The following MMP19 variants were observed in gnomAD, a reference collection of about 807,000 sequenced individuals.
The protein encoded by MMP19 is matrix metallopeptidase 19, also known as matrix metalloproteinase-19.
MMP19 carries 47 observed loss-of-function variants against 46.6 expected under a neutral mutation model. The observed-to-expected ratio is 1.01, with a 90% CI of 0.80 to 1.29. MMP19 has a LOEUF of 1.29. MMP19 is among the 50% of genes most tolerant of loss of function. The pLI, the probability that MMP19 is intolerant of heterozygous loss-of-function variation, is 0.00. For missense variants in MMP19, 589 were observed against 643.5 expected, an observed-to-expected ratio of 0.92 and a Z score of 0.92; for synonymous variants, 222 against 248.5, an observed-to-expected ratio of 0.89 and a Z score of 1.00.
Position 55,837,326 on chromosome 12 carries a change from T to C in MMP19, c.1237A>G (p.Ser413Gly), listed in dbSNP as rs776170640. The C allele has an allele frequency of 3.7e-6, 6 of 1,611,158 alleles. No homozygotes were observed. Among genetic ancestry groups the C allele is most frequent in the East Asian group, 4.5e-5 (2 of 44,776 alleles). ...WDELARTDFSSYPKPIKGLFT... is the reference protein window; with the variant it reads ...WDELARTDFSGYPKPIKGLFT... ...AAACCCTTGATTGGTTTGGGGTAGCTGCTGAAGTCAGTTCGGGCTAGCTCG... is the reference window on the plus strand; with the variant it reads ...AAACCCTTGATTGGTTTGGGGTAGCCGCTGAAGTCAGTTCGGGCTAGCTCG... Residue 413 changes from serine to glycine, a missense_variant, in exon 9 of 9, where the codon AGC becomes GGC. Transcript: ENST00000322569.
At chr12:55,839,856 C>T (rs1473418737) in intron 4 of MMP19, 115 bp from the exon 5 acceptor site, 13 of 1,345,088 alleles carry the variant, frequency 9.7e-6, no homozygotes, top group Non-Finnish European at 1.3e-5. Context: ...CAGCTATGTT[C>T]ACTGTCTCTT....
At chr12:55,838,077 A>C (rs1881392842) in intron 6 of MMP19, 70 bp from the exon 7 acceptor site, 741 of 1,390,188 alleles carry the variant, frequency 5.3e-4, no homozygotes, top group Non-Finnish European at 6.6e-4. Context: ...GGGGTATCTC[A>C]GGCTGACTAA....
Position 55,841,246 on chromosome 12 carries a change from G to A in MMP19, c.174-10C>T, listed in dbSNP as rs1211574705. Reference sequence around the variant, plus strand: ...TGCTTCCTGAAAAGCTCTGAAGGAGGGAGAGGGATGGGTCTACCAGGACAG... The same window carrying A: ...TGCTTCCTGAAAAGCTCTGAAGGAGAGAGAGGGATGGGTCTACCAGGACAG... On this transcript the variant is annotated splice_polypyrimidine_tract_variant and intron_variant, in intron 2 of 8. Coordinates refer to ENST00000322569, the MANE Select transcript of MMP19 (RefSeq NM_002429.6). 6.2e-7 allele frequency: 1 copy of A among 1,610,322 alleles called. No homozygotes were observed. The highest frequency in any genetic ancestry group is 1.1e-5 in the South Asian group (1 of 91,070).
rs746455799 is a variant in MMP19, at chr12:55,839,505, C to G, written c.757G>C (p.Ala253Pro). The change falls in exon 5 of 9, where the codon GCT becomes CCT. Residue 253 changes from alanine to proline, a missense_variant. Ala to Pro is a conservative substitution (Grantham distance 27). Transcript: ENST00000322569. ...LHPDDVAGIQALYGKKSPVIR... is the reference protein window; with the variant it reads ...LHPDDVAGIQPLYGKKSPVIR... ...AGGGGGAGGGACTGACCATAGAGAGCCTGGATCCCTGCCACATCATCTGGG... is the reference window on the plus strand; with the variant it reads ...AGGGGGAGGGACTGACCATAGAGAGGCTGGATCCCTGCCACATCATCTGGG... 1.2e-6 allele frequency: 2 copies of G among 1,609,142 alleles called. No individual in the cohort carries two copies. Among genetic ancestry groups the G allele is most frequent in the Non-Finnish European group, 1.7e-6 (2 of 1,176,254 alleles).
intron 1 of MMP19, 67 bp downstream of exon 1, chr12:55,842,677 C>T (rs974858917): frequency 6.7e-6 from 9 of 1,337,016 alleles, no homozygotes; most frequent in Non-Finnish European, 9.5e-6. Flanking sequence ...AGGGAGGCTT[C>T]GATGGGGCTG....
Position 55,840,515 on chromosome 12 carries a change from G to T in MMP19, c.520+152C>A, listed in dbSNP as rs1189365700. 4 of 677,628 alleles carry T rather than the reference G, an allele frequency of 5.9e-6. No homozygotes were observed. In the African/African-American group the frequency reaches 7.2e-5, roughly 12 times the overall value. The allele number at this position is 677,628 out of a possible 1,614,324, so 42.0% of individuals were successfully genotyped here. A position where few individuals can be genotyped will look rare whatever the true frequency, so the allele number is the denominator to read the frequency against. Reference sequence around the variant, plus strand: ...GGAGGCTCCATGTAGATGACCAACTGCGCCCGTGCTCCCGTTAGGAGGTAA... The same window carrying T: ...GGAGGCTCCATGTAGATGACCAACTTCGCCCGTGCTCCCGTTAGGAGGTAA... On this transcript the variant is annotated intron_variant, in intron 4 of 8. Transcript: ENST00000322569.
intron 5 of MMP19, among the ~76,000 whole-genome samples, chr12:55,839,023 T>C (rs1390069838): frequency 3.3e-5 from 5 of 152,022 alleles, no homozygotes; most frequent in African/African-American, 7.2e-5. Flanking sequence ...GTGGATTGCC[T>C]GAGCTCAGGA....
rs111637715 is a variant in MMP19, at chr12:55,841,609, G to A, written c.174-373C>T. 4.1e-4 allele frequency among the ~76,000 whole-genome samples: 61 copies of A among 150,504 alleles called. 1 individual carries two copies. The highest frequency in any genetic ancestry group is 1.4e-3 in the African/African-American group (58 of 40,836). ...CTTTCTTTCTTTTTTGGTAGAGATGGGGTCTCATTATGTTGCCCAGGTTGC... is the reference window on the plus strand; with the variant it reads ...CTTTCTTTCTTTTTTGGTAGAGATGAGGTCTCATTATGTTGCCCAGGTTGC... On this transcript the variant is annotated intron_variant, in intron 2 of 8. Transcript: ENST00000322569.
At chr12:55,841,650 C>A (rs1184807723) in intron 2 of MMP19, among the ~76,000 whole-genome samples, 2 of 151,936 alleles carry the variant, frequency 1.3e-5, no homozygotes, top group Non-Finnish European at 2.9e-5. Context: ...AACTTCTGGG[C>A]TCAAGCAATC....
rs751418322 is a variant in MMP19 at position 55,839,738 on chromosome 12, C to T, written c.524G>A (p.Arg175Lys). ...YCSNTFDGPGRVLAHADIPEL... is the reference protein window; with the variant it reads ...YCSNTFDGPGKVLAHADIPEL... The stretch of plus-strand genomic sequence containing the variant: ...TGGGATGTCGGCATGGGCCAGGACT[C>T]TCCCTGGACAAAGGCAAAGGTGAAC... Residue 175 changes from arginine to lysine, a missense_variant, in exon 5 of 9, where the codon AGA becomes AAA. By Grantham distance (26) the Arg-to-Lys change is conservative. Transcript: ENST00000322569. 1 of 1,609,798 alleles carries T rather than the reference C, an allele frequency of 6.2e-7. No individual in the cohort carries two copies. Among genetic ancestry groups the T allele is most frequent in the Non-Finnish European group, 8.5e-7 (1 of 1,177,938 alleles).
chr12:55,837,971 T>C lies in MMP19; in HGVS notation c.932A>G (p.Tyr311Cys). Residue 311 changes from tyrosine (Y) to cysteine (C), a missense_variant, in exon 7 of 9, where the codon TAT (tyrosine) becomes TGT (cysteine). By Grantham distance (194) the Tyr-to-Cys change is radical. Transcript: ENST00000322569. ...TCCTGAATCTGATACAGTCCACACATAGTCCCCCTTGAAAGCATAGGTCTT... is the reference window on the plus strand; with the variant it reads ...TCCTGAATCTGATACAGTCCACACACAGTCCCCCTTGAAAGCATAGGTCTT... Reference protein sequence around the residue: ...RGKTYAFKGDYVWTVSDSGPG... With the variant: ...RGKTYAFKGDCVWTVSDSGPG... 6.3e-7 allele frequency: 1 copy of C among 1,597,598 alleles called. No homozygotes were observed. Among genetic ancestry groups the C allele is most frequent in the Non-Finnish European group, 8.6e-7 (1 of 1,167,024 alleles).
Position 55,838,675 on chromosome 12 carries a change from G to A in MMP19, c.826C>T (p.Pro276Ser), listed in dbSNP as rs773899473. Residue 276 changes from proline to serine, a missense_variant, in exon 6 of 9, where the codon CCC becomes TCC. Coordinates refer to ENST00000322569, the MANE Select transcript of MMP19 (RefSeq NM_002429.6). ...GGACTGGGTTCTGTGGGCACTGGGG[G>A]CACAGTGGGCAGCTCTGTCTCTTCT... ...EEEETELPTV[P>S]PVPTEPSPMP... is the part of the protein sequence containing the mutation. 10 of 1,613,266 alleles carry A rather than the reference G, an allele frequency of 6.2e-6. 1 individual carries two copies. Among genetic ancestry groups the A allele is most frequent in the African/African-American group, 5.3e-5 (4 of 74,900 alleles).
chr12:55,838,395 G>A, intron 6 of MMP19: 1 of 1,082,380 alleles, frequency 9.2e-7, no homozygotes, highest in Non-Finnish European at 1.4e-6. Context: ...TTAGAGCGTG[G>A]CAGCCTTGGT....
chr12:55,839,580 C>A lies in MMP19; in HGVS notation c.682G>T (p.Ala228Ser). 6.2e-7 allele frequency: 1 copy of A among 1,614,188 alleles called. No individual in the cohort carries two copies. Among genetic ancestry groups the A allele is most frequent in the Middle Eastern group, 1.6e-4 (1 of 6,062 alleles). Residue 228 changes from alanine to serine, a missense_variant, in exon 5 of 9, where the codon GCC (alanine) becomes TCC (serine). Ala to Ser is a moderately conservative substitution (Grantham distance 99, BLOSUM62 1). Transcript: ENST00000322569. Reference sequence around the variant, plus strand: ...CCCTCGTAGACTGGGGCCATGAGGGCCTGGGAATATCGGGAGTGCCCAAGC... The same window carrying A: ...CCCTCGTAGACTGGGGCCATGAGGGACTGGGAATATCGGGAGTGCCCAAGC... Reference protein sequence around the residue: ...LGLGHSRYSQALMAPVYEGYR... With the variant: ...LGLGHSRYSQSLMAPVYEGYR...
At chr12:55,842,486 A>G (rs756050431) in intron 1 of MMP19, 48 bp from the exon 2 acceptor site, 2 of 1,419,880 alleles carry the variant, frequency 1.4e-6, no homozygotes, top group Non-Finnish European at 2.0e-6. Flanking sequence ...TTAGTCTCAG[A>G]GTAAAGCTTC....
chr12:55,837,457 G>A, intron 8 of MMP19, 83 bp from the exon 9 acceptor site: 1 of 1,584,690 alleles, frequency 6.3e-7, no homozygotes, highest in Non-Finnish European at 8.6e-7. Flanking sequence ...GCCCACTGCA[G>A]CTGCAGAACA....
At chr12:55,838,811 C>T in intron 5 of MMP19, 77 bp from the exon 6 acceptor site, 3 of 1,257,334 alleles carry the variant, frequency 2.4e-6, no homozygotes, top group Admixed American at 2.3e-5. Flanking sequence ...GTAAGTTTTG[C>T]TCAGAGTCCC....
At chr12:55,840,516 C>A (rs1040866105) in intron 4 of MMP19, 151 bp downstream of exon 4, 2 of 682,018 alleles carry the variant, frequency 2.9e-6, no homozygotes, top group Non-Finnish European at 4.6e-6. Flanking sequence ...TGACCAACTG[C>A]GCCCGTGCTC....
At chr12:55,840,610 AG>A in intron 4 of MMP19, 56 bp downstream of exon 4, 1 of 1,528,714 alleles carries the variant, frequency 6.5e-7, no homozygotes, top group South Asian at 1.2e-5. Flanking sequence ...CACTGGTTCA[AG>A]GAGACAGAGG....
Sources: allele counts gnomAD v4.1 joint callset (sites outside exome capture counted in the v4.1 genomes callset), GRCh38; gene constraint gnomAD v4.1.1; transcripts MANE v1.5; gene names NCBI Gene and HGNC (gene_info 2026-07-23, HGNC 2026-07-21).